Variants in NAALADL2 observed in about 807,000 individuals in gnomAD.
The protein encoded by NAALADL2 is N-acetylated alpha-linked acidic dipeptidase like 2, also known as inactive N-acetylated-alpha-linked acidic dipeptidase-like protein 2.
In NAALADL2, 76 loss-of-function variants were observed where a neutral mutation model predicts 87.2. The ratio of observed to expected loss-of-function variants is 0.87; its 90% CI spans 0.72 to 1.05. NAALADL2 has a LOEUF of 1.05. Ranked by LOEUF, NAALADL2 falls within the 50% of genes least tolerant of loss-of-function variation. The pLI is 0.00. For missense variants in NAALADL2, 1,089 were observed against 945.8 expected (o/e 1.15, Z -1.99); for synonymous variants, 354 against 331.0 (o/e 1.07, Z -0.75).
chr3:175,730,603 T>A (rs900890605), intron 11 of NAALADL2, among the ~76,000 whole-genome samples: 2 of 151,278 alleles, frequency 1.3e-5, no homozygotes, highest in Admixed American at 6.6e-5. Context: ...GACAATCTGA[T>A]CTTGCCTAAC....
intron 10 of NAALADL2, among the ~76,000 whole-genome samples, chr3:175,610,141 G>A (rs907503449): frequency 2.6e-5 from 4 of 152,026 alleles, no homozygotes; most frequent in African/African-American, 4.8e-5. Context: ...ACACATTAAG[G>A]ACTTAAACAT....
chr3:174,999,941 T>C (rs1365381817), intron 1 of NAALADL2, among the ~76,000 whole-genome samples: 2 of 152,196 alleles, frequency 1.3e-5, no homozygotes, highest in East Asian at 3.8e-4. Context: ...TAATTACCTT[T>C]TCTTGGTGTG....
Position 175,342,099 on chromosome 3 carries a change from A to G in NAALADL2, c.1090+17774A>G, listed in dbSNP as rs556165373. ...TTTGTAGTAAGTTTTAAAATTGCTA[A>G]GAATGAGTTCTACAACTTTGTTCTT... On this transcript the variant is annotated intron_variant, in intron 5 of 13. Coordinates refer to ENST00000454872, the MANE Select transcript of NAALADL2 (RefSeq NM_207015.3). Among the ~76,000 whole-genome samples, 4 of 152,304 alleles carry G rather than the reference A, an allele frequency of 2.6e-5. No homozygotes were observed. In the East Asian group the frequency reaches 7.7e-4, roughly 29 times the overall value.
intron 3 of NAALADL2, among the ~76,000 whole-genome samples, chr3:174,836,360 T>C (rs1290905226): frequency 3.9e-5 from 6 of 152,002 alleles, no homozygotes; most frequent in Non-Finnish European, 1.5e-5. Context: ...GTTTAATGGG[T>C]ATAGCGTTTC....
chr3:174,738,320 C>A (rs1310481712), intron 3 of NAALADL2, among the ~76,000 whole-genome samples: 1 of 152,144 alleles, frequency 6.6e-6, no homozygotes, highest in Admixed American at 6.6e-5. Flanking sequence ...TAACATAGAA[C>A]CAAGAGCTGA....
intron 11 of NAALADL2, among the ~76,000 whole-genome samples, chr3:175,722,295 A>T (rs1017721584): frequency 3.3e-5 from 5 of 152,130 alleles, no homozygotes; most frequent in African/African-American, 1.2e-4. Context: ...TGTATATTTA[A>T]GTTATATATT....
intron 3 of NAALADL2, among the ~76,000 whole-genome samples, chr3:174,807,999 A>G (rs915157341): frequency 5.3e-5 from 8 of 151,996 alleles, no homozygotes; most frequent in Non-Finnish European, 1.0e-4. Context: ...TTTGTTTGCT[A>G]AAGATACTTG....
chr3:175,002,630 G>C (rs894967855), intron 1 of NAALADL2, among the ~76,000 whole-genome samples: 2 of 152,116 alleles, frequency 1.3e-5, no homozygotes, highest in African/African-American at 4.8e-5. Context: ...AAAAGACACA[G>C]CATTACATAT....
At chr3:175,383,589 T>C (rs1768032093) in intron 5 of NAALADL2, among the ~76,000 whole-genome samples, 1 of 152,036 alleles carries the variant, frequency 6.6e-6, no homozygotes, top group Non-Finnish European at 1.5e-5. Flanking sequence ...GATATATAAA[T>C]CTGTTTTGTT....
chr3:174,810,308 C>T lies in NAALADL2; in HGVS notation c.-9+72562C>T, dbSNP rs1176744523. Among the ~76,000 whole-genome samples, 7 of 151,920 alleles carry T rather than the reference C, an allele frequency of 4.6e-5. No individual in the cohort carries two copies. In the South Asian group the frequency reaches 1.0e-3, roughly 22 times the overall value. Reference sequence around the variant, plus strand: ...GAAGATACAGGAAAATTTGAAACTCCCTAGAGACTTGTTGATTGATTATGA... The same window carrying T: ...GAAGATACAGGAAAATTTGAAACTCTCTAGAGACTTGTTGATTGATTATGA... On this transcript the variant is annotated intron_variant, in intron 3 of 3. Coordinates refer to the NAALADL2 transcript ENST00000434257.
Position 174,669,549 on chromosome 3 carries a change from G to A in NAALADL2, c.-114-68092G>A, listed in dbSNP as rs114365473. Among the ~76,000 whole-genome samples, 1,139 of 152,114 alleles carry A rather than the reference G, an allele frequency of 7.5e-3. 13 individuals are homozygous for A. The highest frequency in any genetic ancestry group is 0.026 in the African/African-American group (1,069 of 41,516). On this transcript the variant is annotated intron_variant, in intron 2 of 3. Coordinates refer to the NAALADL2 transcript ENST00000434257. ...TACTCTTGTCAAAGGTAATTTGACC[G>A]TATATGTTAAGGTTTATATCTAGGT... is the stretch of plus-strand genomic sequence containing the variant.
intron 10 of NAALADL2, among the ~76,000 whole-genome samples, chr3:175,600,525 CTTTTTTTTTTTT>C (rs869212429): frequency 0.017 from 1,023 of 61,090 alleles, 14 homozygotes; most frequent in African/African-American, 0.06. Flanking sequence ...GTGTCTTAGT[CTTTTTTTTTTTT>C]TTTTTTTTTT....
At chr3:174,967,416 A>G (rs912536060) in intron 1 of NAALADL2, among the ~76,000 whole-genome samples, 1 of 150,984 alleles carries the variant, frequency 6.6e-6, no homozygotes, top group Non-Finnish European at 1.5e-5. Context: ...TAGAAATCCC[A>G]CTTAACTCTG....
intron 9 of NAALADL2, among the ~76,000 whole-genome samples, chr3:175,477,378 T>C (rs991746469): frequency 6.6e-6 from 1 of 152,150 alleles, no homozygotes; most frequent in Non-Finnish European, 1.5e-5. Context: ...CAATTCAGAA[T>C]GATGATATTT....
intron 2 of NAALADL2, among the ~76,000 whole-genome samples, chr3:174,662,138 T>C (rs1350397252): frequency 6.6e-6 from 1 of 152,168 alleles, no homozygotes; most frequent in African/African-American, 2.4e-5. Flanking sequence ...AAAAATTATC[T>C]AAATCTCCTA....
At chr3:175,610,785 TATAATA>T (rs985242742) in intron 10 of NAALADL2, among the ~76,000 whole-genome samples, 1 of 152,040 alleles carries the variant, frequency 6.6e-6, no homozygotes, top group Non-Finnish European at 1.5e-5. Flanking sequence ...GATCCACTAA[TATAATA>T]ATAATAATGT....
intron 1 of NAALADL2, among the ~76,000 whole-genome samples, chr3:174,548,575 A>G (rs1711703801): frequency 6.6e-6 from 1 of 152,178 alleles, no homozygotes; most frequent in Admixed American, 6.5e-5. Context: ...AAATCTCATC[A>G]GTTTGCTGGT....
At chr3:175,472,747 CATG>C (rs1215713948) in intron 9 of NAALADL2, among the ~76,000 whole-genome samples, 2 of 152,068 alleles carry the variant, frequency 1.3e-5, no homozygotes, top group Non-Finnish European at 2.9e-5. Flanking sequence ...CATTATGAAA[CATG>C]AAGTAGATAA....
intron 2 of NAALADL2, among the ~76,000 whole-genome samples, chr3:174,615,277 T>G (rs1298545176): frequency 6.6e-6 from 1 of 152,196 alleles, no homozygotes; most frequent in Non-Finnish European, 1.5e-5. Context: ...GATCTATCCT[T>G]CTTTCAGGTT....
Sources: gnomAD v4.1 joint callset for allele counts (sites outside exome capture counted in the v4.1 genomes callset) on GRCh38, gnomAD v4.1.1 for gene constraint, MANE v1.5 for transcripts, NCBI Gene and HGNC (gene_info 2026-07-23, HGNC 2026-07-21) for gene names.